RABGAP1L: variants seen among roughly 807,000 people sequenced by gnomAD.
RABGAP1L encodes rab GTPase-activating protein 1-like.
Under a neutral mutation model 137.7 loss-of-function variants are expected in RABGAP1L, and 63 were observed. The ratio of observed to expected loss-of-function variants is 0.46; its 90% CI spans 0.37 to 0.56. RABGAP1L has a LOEUF of 0.56. Among genes scored for constraint, RABGAP1L ranks in the 20% least tolerant of loss-of-function variants. The pLI is 0.00. For missense variants in RABGAP1L, 1,095 were observed against 1,244.0 expected, an observed-to-expected ratio of 0.88 and a Z score of 1.80; for synonymous variants, 431 against 433.7, an observed-to-expected ratio of 0.99 and a Z score of 0.08.
chr1:174,550,903 C>CATAT (rs1558333839), intron 13 of RABGAP1L, among the ~76,000 whole-genome samples: 1 of 96,398 alleles, frequency 1.0e-5, no homozygotes, highest in African/African-American at 5.6e-5. Flanking sequence ...TATACACACA[C>CATAT]ACATATACAC....
At chr1:174,692,391 T>C (rs1678934940) in intron 15 of RABGAP1L, among the ~76,000 whole-genome samples, 1 of 152,200 alleles carries the variant, frequency 6.6e-6, no homozygotes, top group Non-Finnish European at 1.5e-5. Context: ...TTATGATCAG[T>C]TTTAAAAGAT....
rs772758392 is a variant in RABGAP1L, at chr1:174,811,923, A to T, written c.2303A>T (p.Asn768Ile). Residue 768 changes from asparagine to isoleucine, a missense_variant, in exon 19 of 26, where the codon AAT (asparagine) becomes ATT (isoleucine). By Grantham distance (149) the Asn-to-Ile change is moderately radical (BLOSUM62 -3). Transcript: ENST00000681986. ...QLPKRYRAEE[N>I]ARRLMEQACN... ...CCAAAGAGATACAGGGCAGAGGAAA[A>T]TGCAAGAAGACTGATGGAGCAGGCT... 1 of 1,607,160 alleles carries T rather than the reference A, an allele frequency of 6.2e-7. No individual in the cohort carries two copies. Among genetic ancestry groups the T allele is most frequent in the East Asian group, 2.2e-5 (1 of 44,672 alleles).
chr1:174,542,030 T>C (rs1665503323), intron 13 of RABGAP1L, among the ~76,000 whole-genome samples: 1 of 152,358 alleles, frequency 6.6e-6, no homozygotes, highest in Non-Finnish European at 1.5e-5. Flanking sequence ...TCAATGTTCA[T>C]CAGGGATATT....
intron 19 of RABGAP1L, among the ~76,000 whole-genome samples, chr1:174,869,923 C>T (rs1300225276): frequency 1.3e-5 from 2 of 152,126 alleles, no homozygotes; most frequent in Admixed American, 1.3e-4. Flanking sequence ...CTTCCACACT[C>T]CAGAAATGTG....
At chr1:174,642,766 T>TCTTCCCCTCTCC (rs1557941734) in intron 14 of RABGAP1L, among the ~76,000 whole-genome samples, 1 of 115,462 alleles carries the variant, frequency 8.7e-6, no homozygotes, top group Non-Finnish European at 1.7e-5. Flanking sequence ...TTCCCCTCTC[T>TCTTCCCCTCTCC]CCCTCTCCCC....
chr1:174,988,652 G>T lies in RABGAP1L; in HGVS notation c.2817G>T (p.Met939Ile). The T allele has an allele frequency of 6.5e-7, 1 of 1,542,652 alleles. No individual in the cohort carries two copies. The highest frequency in any genetic ancestry group is 8.7e-7 in the Non-Finnish European group (1 of 1,143,580). Residue 939 changes from methionine (M) to isoleucine (I), a missense_variant, in exon 25 of 26, where the codon ATG (methionine) becomes ATT (isoleucine). Met to Ile is a conservative substitution (Grantham distance 10). Around this residue, in one of 4 missense-constraint regions of RABGAP1L, gnomAD observed 312 missense variants for 435.6 expected, o/e 0.72. Coordinates refer to ENST00000681986, the MANE Select transcript of RABGAP1L (RefSeq NM_001366446.1). ...TTTGGATACTTTAGGGTAAGATGAT[G>T]GCATGCAAACACTGCAGTGACATTT... Reference protein sequence around the residue: ...EELEVVKGKMMACKHCSDIFS... With the variant: ...EELEVVKGKMIACKHCSDIFS...
intron 12 of RABGAP1L, among the ~76,000 whole-genome samples, chr1:174,378,327 T>C (rs1226176997): frequency 6.6e-6 from 1 of 151,312 alleles, no homozygotes; most frequent in Non-Finnish European, 1.5e-5. Context: ...GGTCAAATGG[T>C]ATTTCTAGTT....
At chr1:174,694,333 A>G (rs1346343530) in intron 15 of RABGAP1L, among the ~76,000 whole-genome samples, 17 of 151,132 alleles carry the variant, frequency 1.1e-4, no homozygotes, top group Non-Finnish European at 1.9e-4. Context: ...ATATCTCCCA[A>G]TGCTAACCCT....
chr1:174,626,393 A>G (rs973733408), intron 13 of RABGAP1L, among the ~76,000 whole-genome samples: 1 of 152,232 alleles, frequency 6.6e-6, no homozygotes, highest in Admixed American at 6.5e-5. Flanking sequence ...AGAACAAGGT[A>G]CACATCATGA....
intron 13 of RABGAP1L, among the ~76,000 whole-genome samples, chr1:174,635,335 T>G (rs987365272): frequency 2.0e-5 from 3 of 152,206 alleles, no homozygotes; most frequent in Non-Finnish European, 4.4e-5. Context: ...GTAACATTTT[T>G]ATTCCTCATC....
intron 1 of RABGAP1L, among the ~76,000 whole-genome samples, chr1:174,160,854 G>C (rs1351087739): frequency 6.6e-6 from 1 of 152,210 alleles, no homozygotes; most frequent in African/African-American, 2.4e-5. Flanking sequence ...ATACGGATGT[G>C]AAGTTTGCTT....
intron 13 of RABGAP1L, among the ~76,000 whole-genome samples, chr1:174,587,655 C>T (rs998200039): frequency 6.6e-6 from 1 of 151,884 alleles, no homozygotes; most frequent in Non-Finnish European, 1.5e-5. Flanking sequence ...AACTTTTCTT[C>T]CCAACATAAG....
intron 17 of RABGAP1L, among the ~76,000 whole-genome samples, chr1:174,746,736 C>T (rs2148664081): frequency 6.6e-6 from 1 of 152,272 alleles, no homozygotes; most frequent in South Asian, 2.1e-4. Flanking sequence ...CCTAGATCTG[C>T]ACTTATTAGC....
At chr1:174,665,718 G>T (rs1413834627) in intron 14 of RABGAP1L, among the ~76,000 whole-genome samples, 1 of 152,188 alleles carries the variant, frequency 6.6e-6, no homozygotes. Context: ...GCCTGCCTTG[G>T]CCTCCCAAAG....
intron 13 of RABGAP1L, among the ~76,000 whole-genome samples, chr1:174,487,340 T>C (rs191171296): frequency 6.6e-6 from 1 of 152,324 alleles, no homozygotes; most frequent in East Asian, 1.9e-4. Context: ...AAAATTGTTA[T>C]ATCCTTTTGC....
chr1:174,637,449 T>C lies in RABGAP1L; in HGVS notation c.1785T>C (p.Thr595=). Residue 595 remains threonine, a synonymous_variant, in exon 14 of 26, where the codon ACT becomes ACC. Transcript: ENST00000681986. ...CCGCACATGATTACTTTAAAGATACTGGAGGAGATGGTCAAGAATCGCTCT... is the reference window on the plus strand; with the variant it reads ...CCGCACATGATTACTTTAAAGATACCGGAGGAGATGGTCAAGAATCGCTCT... ...TFPAHDYFKD[T]GGDGQESLYK... is the part of the protein sequence containing the mutation. 1.2e-6 allele frequency: 2 copies of C among 1,611,864 alleles called. No homozygotes were observed. The highest frequency in any genetic ancestry group is 1.7e-6 in the Non-Finnish European group (2 of 1,177,922).
chr1:174,542,073 G>T (rs530695576), intron 13 of RABGAP1L, among the ~76,000 whole-genome samples: 2 of 152,264 alleles, frequency 1.3e-5, no homozygotes, highest in South Asian at 4.1e-4. Flanking sequence ...TTGTGTCTCT[G>T]CCAGGCATTG....
chr1:174,880,098 A>G (rs1383287553), intron 19 of RABGAP1L, among the ~76,000 whole-genome samples: 2 of 151,750 alleles, frequency 1.3e-5, no homozygotes, highest in Non-Finnish European at 2.9e-5. Flanking sequence ...ACACCATAAT[A>G]TCTTTCTGGA....
intron 19 of RABGAP1L, among the ~76,000 whole-genome samples, chr1:174,905,658 G>A (rs945801179): frequency 2.0e-5 from 3 of 151,834 alleles, no homozygotes; most frequent in Admixed American, 2.0e-4. Context: ...CGAGACCAGC[G>A]TGGCCAACGT....
Sources: gnomAD v4.1 joint callset for allele counts (sites outside exome capture counted in the v4.1 genomes callset) on GRCh38, gnomAD v4.1.1 for gene constraint, gnomAD v4.1.1 regional missense constraint, MANE v1.5 for transcripts, NCBI Gene and HGNC (gene_info 2026-07-23, HGNC 2026-07-21) for gene names.